LRFN5: variants seen among roughly 807,000 people sequenced by gnomAD.
The protein encoded by LRFN5 is leucine rich repeat and fibronectin type III domain containing 5.
LRFN5 carries 24 observed loss-of-function variants against 45.6 expected under a neutral mutation model. The observed-to-expected ratio is 0.53, with a 90% confidence interval of 0.38 to 0.74. The LOEUF (loss-of-function observed/expected upper bound fraction) is 0.74, where lower values mean the gene tolerates loss of function less well. Among genes scored for constraint, LRFN5 ranks in the 30% least tolerant of loss-of-function variants. The probability of loss-of-function intolerance (pLI) is 0.00; values close to 1 mark genes in which losing one functional copy is unlikely to be tolerated. For synonymous variants in LRFN5, 340 were observed against 313.8 expected, an observed-to-expected ratio of 1.08 and a Z score of -0.88; for missense variants, 776 against 861.5, an observed-to-expected ratio of 0.90 and a Z score of 1.24.
intron 2 of LRFN5, among the ~76,000 whole-genome samples, chr14:41,822,835 G>A (rs1888161029): frequency 7.4e-6 from 1 of 134,350 alleles, no homozygotes; most frequent in African/African-American, 2.9e-5. Context: ...GGTATTGGTT[G>A]CATATATATT....
chr14:41,868,035 T>A (rs994241756), intron 2 of LRFN5, among the ~76,000 whole-genome samples: 1 of 152,076 alleles, frequency 6.6e-6, no homozygotes, highest in Non-Finnish European at 1.5e-5. Flanking sequence ...GGAGTTGCTA[T>A]CCATATGTAT....
chr14:41,741,320 A>T (rs1448524688), intron 1 of LRFN5, among the ~76,000 whole-genome samples: 6 of 151,776 alleles, frequency 4.0e-5, no homozygotes, highest in Non-Finnish European at 8.8e-5. Context: ...AAGCAATTGT[A>T]GTCAAAACAG....
At chr14:41,797,432 A>C (rs962764618) in intron 2 of LRFN5, among the ~76,000 whole-genome samples, 1 of 151,684 alleles carries the variant, frequency 6.6e-6, no homozygotes, top group African/African-American at 2.4e-5. Flanking sequence ...ATTTCTATTT[A>C]TCAACTTGGC....
At chr14:41,793,975 A>T (rs1036070796) in intron 2 of LRFN5, among the ~76,000 whole-genome samples, 1 of 152,116 alleles carries the variant, frequency 6.6e-6, no homozygotes, top group Admixed American at 6.6e-5. Context: ...CAAGGGAGTT[A>T]TTATAGATTC....
chr14:41,699,677 A>G (rs1439020606), intron 1 of LRFN5: 9 of 152,128 alleles, frequency 5.9e-5, no homozygotes, highest in Non-Finnish European at 8.8e-5. Flanking sequence ...TGTTTATGTG[A>G]CACTAACACT....
intron 2 of LRFN5, among the ~76,000 whole-genome samples, chr14:41,871,274 C>T (rs1359220032): frequency 6.6e-6 from 1 of 151,812 alleles, no homozygotes; most frequent in African/African-American, 2.4e-5. Context: ...TGTGTAATAA[C>T]AAATAACAGT....
At chr14:41,751,690 G>C (rs1388145361) in intron 1 of LRFN5, among the ~76,000 whole-genome samples, 4 of 152,078 alleles carry the variant, frequency 2.6e-5, no homozygotes, top group Non-Finnish European at 1.5e-5. Context: ...ACTAAAGGCA[G>C]TCTCACAGGA....
At chr14:41,795,792 G>A (rs959460942) in intron 2 of LRFN5, among the ~76,000 whole-genome samples, 4 of 151,876 alleles carry the variant, frequency 2.6e-5, no homozygotes, top group Non-Finnish European at 5.9e-5. Context: ...GGGGGGAGGG[G>A]GGAGGAATAG....
intron 1 of LRFN5, chr14:41,701,112 G>C (rs1187620518): frequency 3.9e-5 from 6 of 152,034 alleles, no homozygotes; most frequent in African/African-American, 1.4e-4. Flanking sequence ...TATATTTGCA[G>C]AATACATGAA....
At chr14:41,740,724 A>C (rs1006371311) in intron 1 of LRFN5, among the ~76,000 whole-genome samples, 1 of 151,934 alleles carries the variant, frequency 6.6e-6, no homozygotes, top group Non-Finnish European at 1.5e-5. Flanking sequence ...TAGAAAAAAG[A>C]AATAAAAGGC....
intron 1 of LRFN5, among the ~76,000 whole-genome samples, chr14:41,611,897 T>G (rs1887771250): frequency 6.6e-6 from 1 of 152,206 alleles, no homozygotes; most frequent in Non-Finnish European, 1.5e-5. Flanking sequence ...ACCCCCACCC[T>G]ATTCCCTCTT....
chr14:41,742,963 G>A lies in LRFN5; in HGVS notation c.-196-23891G>A, dbSNP rs113573254. The A allele has an allele frequency of 1.8e-3, 275 of 156,478 alleles. 1 individual carries two copies. The highest frequency in any genetic ancestry group is 3.1e-3 in the Non-Finnish European group (219 of 70,154). 9.7% of individuals were successfully genotyped at this position (156,478 alleles called of 1,614,324 possible). On this transcript the variant is annotated intron_variant, in intron 1 of 5. Coordinates refer to ENST00000298119, the MANE Select transcript of LRFN5 (RefSeq NM_152447.5). The stretch of plus-strand genomic sequence containing the variant: ...TTGACATGGAATTGCTCAACTTAGA[G>A]TGAAGGCAGGAAGGAAATCAAGGTG...
intron 1 of LRFN5, among the ~76,000 whole-genome samples, chr14:41,612,281 C>T (rs1296107489): frequency 6.6e-6 from 1 of 152,076 alleles, no homozygotes; most frequent in Non-Finnish European, 1.5e-5. Context: ...ATAAATGTGT[C>T]ATAAATAAGA....
At chr14:41,860,866 C>T (rs1361991242) in intron 2 of LRFN5, among the ~76,000 whole-genome samples, 1 of 152,152 alleles carries the variant, frequency 6.6e-6, no homozygotes, top group Non-Finnish European at 1.5e-5. Context: ...CAGACATCCA[C>T]TACAAAATGA....
chr14:41,810,437 A>G (rs1462196692), intron 2 of LRFN5, among the ~76,000 whole-genome samples: 2 of 152,060 alleles, frequency 1.3e-5, no homozygotes, highest in East Asian at 1.9e-4. Context: ...AAGCCTTGCT[A>G]GTAATTTTGG....
At chr14:41,739,943 C>T (rs984904465) in intron 1 of LRFN5, among the ~76,000 whole-genome samples, 1 of 147,136 alleles carries the variant, frequency 6.8e-6, no homozygotes, top group Non-Finnish European at 1.5e-5. Context: ...AAATGAATAA[C>T]ACAGAAAAAA....
intron 2 of LRFN5, among the ~76,000 whole-genome samples, chr14:41,823,256 T>A (rs1019800582): frequency 6.6e-6 from 1 of 152,050 alleles, no homozygotes; most frequent in Non-Finnish European, 1.5e-5. Flanking sequence ...TCATTTTTTT[T>A]TATGACAGTG....
intron 2 of LRFN5, among the ~76,000 whole-genome samples, chr14:41,880,694 CTTA>C (rs779595946): frequency 2.6e-5 from 4 of 151,938 alleles, no homozygotes; most frequent in African/African-American, 9.7e-5. Context: ...TTTTTGTCAG[CTTA>C]TTATATCAAT....
intron 1 of LRFN5, among the ~76,000 whole-genome samples, chr14:41,703,565 T>C (rs546579945): frequency 5.3e-5 from 8 of 152,258 alleles, no homozygotes; most frequent in African/African-American, 1.7e-4. Context: ...TTTTGTTTTT[T>C]TCCCAGCAAA....
Sources: allele counts gnomAD v4.1 joint callset (sites outside exome capture counted in the v4.1 genomes callset), GRCh38; gene constraint gnomAD v4.1.1; transcripts MANE v1.5; gene names NCBI Gene and HGNC (gene_info 2026-07-23, HGNC 2026-07-21).